The following FBXW11 variants were observed in gnomAD, a reference collection of about 807,000 sequenced individuals.
FBXW11 encodes F-box/WD repeat-containing protein 11.
In FBXW11, 19 loss-of-function variants were observed where a neutral mutation model predicts 77.6. That is an observed-to-expected ratio of 0.24 (90% CI 0.17 to 0.36). The LOEUF (loss-of-function observed/expected upper bound fraction) is 0.36, where lower values mean the gene tolerates loss of function less well. FBXW11 is among the 10% of genes least tolerant of loss of function. The pLI is 1.00. For missense variants in FBXW11, 334 were observed against 704.2 expected (o/e 0.47, Z 5.95); for synonymous variants, 235 against 249.4 (o/e 0.94, Z 0.54).
intron 1 of FBXW11, among the ~76,000 whole-genome samples, chr5:171,993,126 C>A (rs549546239): frequency 6.6e-6 from 1 of 151,622 alleles, no homozygotes; most frequent in Non-Finnish European, 1.5e-5. Flanking sequence ...CAGGGAAAAA[C>A]CACCATCCCT....
At chr5:171,997,794 A>G (rs1766151449) in intron 1 of FBXW11, among the ~76,000 whole-genome samples, 1 of 152,228 alleles carries the variant, frequency 6.6e-6, no homozygotes, top group African/African-American at 2.4e-5. Flanking sequence ...TAAACAAACT[A>G]AAAGGGAAAG....
chr5:171,989,189 A>T (rs1396721645), intron 1 of FBXW11, among the ~76,000 whole-genome samples: 1 of 152,218 alleles, frequency 6.6e-6, no homozygotes, highest in Non-Finnish European at 1.5e-5. Flanking sequence ...ATAATAAAAT[A>T]AAAAATCTAC....
chr5:171,876,543 G>C lies in FBXW11; in HGVS notation c.972-9C>G. The C allele has an allele frequency of 6.2e-7, 1 of 1,610,462 alleles. No homozygotes were observed. Among genetic ancestry groups the C allele is most frequent in the East Asian group, 2.2e-5 (1 of 44,784 alleles). ...TGTTCACATCCCACACTCTAGGAGA[G>C]AAGAGAAAAGCATGATGCTTAATTA... On this transcript the variant is annotated splice_polypyrimidine_tract_variant and intron_variant, in intron 8 of 13. Transcript: ENST00000517395. This position sits in a 1 kb window ranked among gnomAD's most constrained non-coding sequence, Gnocchi z 4.2.
At chr5:171,935,467 A>C (rs2113117566) in intron 2 of FBXW11, among the ~76,000 whole-genome samples, 1 of 152,326 alleles carries the variant, frequency 6.6e-6, no homozygotes, top group African/African-American at 2.4e-5. Flanking sequence ...GGAAACCTGA[A>C]CTACATGTTG....
intron 7 of FBXW11, among the ~76,000 whole-genome samples, chr5:171,889,219 T>C (rs1195816813): frequency 6.6e-6 from 1 of 152,176 alleles, no homozygotes; most frequent in Non-Finnish European, 1.5e-5. Flanking sequence ...AACTGGTAAG[T>C]TGGACTTCAT....
At chr5:171,995,480 G>A (rs568685996) in intron 1 of FBXW11, among the ~76,000 whole-genome samples, 6 of 152,170 alleles carry the variant, frequency 3.9e-5, no homozygotes, top group African/African-American at 4.8e-5. Context: ...TGGGCCAGGC[G>A]TGATGGCTCA....
rs559795248 is a variant in FBXW11, at chr5:171,953,490, G to A, written c.147+4107C>T. Among the ~76,000 whole-genome samples the A allele has an allele frequency of 2.6e-5, 4 of 152,204 alleles. No homozygotes were observed. In the South Asian group the frequency reaches 6.2e-4, roughly 24 times the overall value. On this transcript the variant is annotated intron_variant, in intron 2 of 13. Transcript: ENST00000517395. ...AGCCATGTCTGACCTTAGACAGACC[G>A]ACCCTGAACAAAAACAGCCTTATCA...
At chr5:171,993,940 T>A (rs745805464) in intron 1 of FBXW11, among the ~76,000 whole-genome samples, 1 of 152,194 alleles carries the variant, frequency 6.6e-6, no homozygotes, top group Non-Finnish European at 1.5e-5. Flanking sequence ...AACATTTCAA[T>A]CATTGCAGAA....
intron 6 of FBXW11, 30 bp downstream of exon 6, chr5:171,898,974 G>A (rs756775609): frequency 7.3e-7 from 1 of 1,363,754 alleles, no homozygotes; most frequent in Non-Finnish European, 1.0e-6. Flanking sequence ...GAAACAAAGA[G>A]CCCATAAAAC....
intron 1 of FBXW11, among the ~76,000 whole-genome samples, chr5:171,978,710 G>C (rs1429829415): frequency 6.6e-6 from 1 of 152,142 alleles, no homozygotes; most frequent in Non-Finnish European, 1.5e-5. Flanking sequence ...AATCACAAAA[G>C]GGCAGCAGCA....
chr5:171,869,888 G>T lies in FBXW11; in HGVS notation c.1452-81C>A. 1 of 820,050 alleles carries T rather than the reference G, an allele frequency of 1.2e-6. No individual in the cohort carries two copies. Among genetic ancestry groups the T allele is most frequent in the Non-Finnish European group, 1.9e-6 (1 of 518,846 alleles). The allele number at this position is 820,050 out of a possible 1,614,324, so 50.8% of individuals were successfully genotyped here. Reference sequence around the variant, plus strand: ...AAACATTTCCTTGAAAAAAAGTAGTGCATCTGAACTGCCTATTTATAAAAG... The same window carrying T: ...AAACATTTCCTTGAAAAAAAGTAGTTCATCTGAACTGCCTATTTATAAAAG... On this transcript the variant is annotated intron_variant, in intron 11 of 13. Transcript: ENST00000517395. This position sits in a 1 kb window ranked among gnomAD's most constrained non-coding sequence, Gnocchi z 4.1.
chr5:171,986,097 C>T (rs571360826), intron 1 of FBXW11, among the ~76,000 whole-genome samples: 3 of 152,308 alleles, frequency 2.0e-5, no homozygotes, highest in East Asian at 3.9e-4. Context: ...TTAGTGTTTT[C>T]ATATGAAATG....
At chr5:171,953,048 T>C (rs1364324704) in intron 2 of FBXW11, among the ~76,000 whole-genome samples, 3 of 152,112 alleles carry the variant, frequency 2.0e-5, no homozygotes, top group African/African-American at 7.2e-5. Flanking sequence ...TAGCTCACTG[T>C]AACCTCCAAC....
intron 4 of FBXW11, among the ~76,000 whole-genome samples, chr5:171,908,118 G>A (rs1760649438): frequency 6.6e-6 from 1 of 152,138 alleles, no homozygotes; most frequent in African/African-American, 2.4e-5. Flanking sequence ...AAAAGACTCT[G>A]TCTTTTCTTG....
intron 1 of FBXW11, among the ~76,000 whole-genome samples, chr5:171,981,630 G>A (rs1765151288): frequency 6.6e-6 from 1 of 152,218 alleles, no homozygotes; most frequent in Admixed American, 6.5e-5. Context: ...TTGGAGTCAG[G>A]AATGATGTTA....
chr5:171,871,219 T>G (rs765705114), intron 10 of FBXW11, among the ~76,000 whole-genome samples: 2 of 152,208 alleles, frequency 1.3e-5, no homozygotes, highest in Non-Finnish European at 2.9e-5. Flanking sequence ...ATAAAAACCA[T>G]GTAGACAAAT....
chr5:171,869,584 T>C lies in FBXW11; in HGVS notation c.1530+145A>G. ...TGTAAACATCAAATATTCTCTGGTT[T>C]TGGCTAAACAAAATGAAGACTGAAA... On this transcript the variant is annotated intron_variant, in intron 12 of 13. Coordinates refer to ENST00000517395, the MANE Select transcript of FBXW11 (RefSeq NM_001378974.1). This position sits in a 1 kb window ranked among gnomAD's most constrained non-coding sequence, Gnocchi z 4.1. 2.0e-6 allele frequency: 1 copy of C among 512,068 alleles called. No homozygotes were observed. The highest frequency in any genetic ancestry group is 3.5e-6 in the Non-Finnish European group (1 of 287,990). The allele number at this position is 512,068 out of a possible 1,614,324, so 31.7% of individuals were successfully genotyped here. A position where few individuals can be genotyped will look rare whatever the true frequency, so the allele number is the denominator to read the frequency against.
At chr5:171,893,114 G>A (rs1759469712) in intron 6 of FBXW11, among the ~76,000 whole-genome samples, 1 of 152,056 alleles carries the variant, frequency 6.6e-6, no homozygotes, top group Non-Finnish European at 1.5e-5. Flanking sequence ...TTATAGAAAA[G>A]GAAATGGAGG....
At chr5:171,915,613 CTG>C (rs200618306) in intron 2 of FBXW11, among the ~76,000 whole-genome samples, 1,452 of 129,604 alleles carry the variant, frequency 0.011, 18 homozygotes, top group African/African-American at 0.033. Context: ...GTCACTCATT[CTG>C]TGTGTGTGTG....
Sources: gnomAD v4.1 joint callset for allele counts (sites outside exome capture counted in the v4.1 genomes callset) on GRCh38, gnomAD v4.1.1 for gene constraint, Gnocchi (gnomAD v3.1) non-coding constraint, MANE v1.5 for transcripts, NCBI Gene and HGNC (gene_info 2026-07-23, HGNC 2026-07-21) for gene names.